GALNT10: variants seen among roughly 807,000 people sequenced by gnomAD.
GALNT10 encodes polypeptide N-acetylgalactosaminyltransferase 10.
GALNT10 carries 41 observed loss-of-function variants against 75.0 expected under a neutral mutation model. The observed-to-expected ratio is 0.55, with a 90% CI of 0.43 to 0.71. The LOEUF (loss-of-function observed/expected upper bound fraction) is 0.71, where lower values mean the gene tolerates loss of function less well. Ranked by LOEUF, GALNT10 falls within the 30% of genes least tolerant of loss-of-function variation. The probability of loss-of-function intolerance (pLI) is 0.00; values close to 1 mark genes in which losing one functional copy is unlikely to be tolerated. For synonymous variants in GALNT10, 302 were observed against 313.0 expected, an observed-to-expected ratio of 0.96 and a Z score of 0.37; for missense variants, 727 against 818.5, an observed-to-expected ratio of 0.89 and a Z score of 1.36.
chr5:154,418,783 C>T lies in GALNT10; in HGVS notation c.*1811C>T, dbSNP rs969313751. 1.3e-5 allele frequency: 2 copies of T among 152,166 alleles called. No homozygotes were observed. Among genetic ancestry groups the T allele is most frequent in the African/African-American group, 4.8e-5 (2 of 41,442 alleles). The allele number at this position is 152,166 out of a possible 1,614,324, so 9.4% of individuals were successfully genotyped here. On this transcript the variant is annotated 3_prime_UTR_variant, in exon 12 of 12. Coordinates refer to ENST00000297107, the MANE Select transcript of GALNT10 (RefSeq NM_198321.4). ...CCACCTGTCTGCAAGAGAGGCGGCC[C>T]CTGTGCTTGCAACGCTTACGTGTTG...
chr5:154,343,744 T>C (rs922002049), intron 4 of GALNT10, among the ~76,000 whole-genome samples: 1 of 152,190 alleles, frequency 6.6e-6, no homozygotes, highest in Admixed American at 6.5e-5. Context: ...TCAGGGTACC[T>C]GGTTAAAAAG....
chr5:154,254,319 G>A (rs981211099), intron 1 of GALNT10, among the ~76,000 whole-genome samples: 3 of 152,032 alleles, frequency 2.0e-5, no homozygotes, highest in East Asian at 1.9e-4. Context: ...TGCTTCTATG[G>A]CCATCTTATT....
At chr5:154,242,048 T>C (rs1362835603) in intron 1 of GALNT10, among the ~76,000 whole-genome samples, 1 of 152,182 alleles carries the variant, frequency 6.6e-6, no homozygotes, top group Non-Finnish European at 1.5e-5. Flanking sequence ...TTTCAGTCCT[T>C]GTCTCATGTG....
At position 154,326,765 on chromosome 5, in the gene GALNT10, G is replaced by A. The variant is rs115408341; in HGVS notation, c.402-2807G>A. On this transcript the variant is annotated intron_variant, in intron 3 of 11. Coordinates refer to ENST00000297107, the MANE Select transcript of GALNT10 (RefSeq NM_198321.4). ...CAGGAGGGGAAGATGGGGAATGACC[G>A]CTAGTACACACAGGGTTTCTTTAGG... Among the ~76,000 whole-genome samples, 268 of 152,258 alleles carry A rather than the reference G, an allele frequency of 1.8e-3. 2 individuals are homozygous for A. Among genetic ancestry groups the A allele is most frequent in the Admixed American group, 4.8e-3 (73 of 15,300 alleles).
chr5:154,221,173 C>T (rs979606080), intron 1 of GALNT10, among the ~76,000 whole-genome samples: 3 of 152,206 alleles, frequency 2.0e-5, no homozygotes, highest in Non-Finnish European at 2.9e-5. Context: ...GATAGACGCA[C>T]TCTTATAATA....
At chr5:154,246,816 A>C (rs12332757) in intron 1 of GALNT10, among the ~76,000 whole-genome samples, 6,983 of 152,274 alleles carry the variant, frequency 0.046, 419 homozygotes, top group African/African-American at 0.14. Context: ...TAGTTTAATT[A>C]GATCCCATTT....
intron 3 of GALNT10, among the ~76,000 whole-genome samples, chr5:154,311,040 G>A (rs566825187): frequency 1.3e-5 from 2 of 152,294 alleles, no homozygotes; most frequent in African/African-American, 4.8e-5. Context: ...CAAAATGGCT[G>A]CCTATCAACT....
intron 10 of GALNT10, among the ~76,000 whole-genome samples, chr5:154,413,930 A>C (rs1582021604): frequency 6.6e-6 from 1 of 152,244 alleles, no homozygotes; most frequent in African/African-American, 2.4e-5. Context: ...ATATAAATGA[A>C]AGGACTTGTA....
intron 4 of GALNT10, chr5:154,337,350 C>G (rs917469032): frequency 4.0e-6 from 2 of 504,444 alleles, no homozygotes; most frequent in Admixed American, 5.7e-5. Flanking sequence ...TTCTTTGTAG[C>G]AGCTGGGCTC....
intron 8 of GALNT10, among the ~76,000 whole-genome samples, chr5:154,406,776 G>A (rs555736506): frequency 1.7e-4 from 26 of 152,304 alleles, no homozygotes; most frequent in Admixed American, 2.6e-4. Flanking sequence ...CAGCCTGAGC[G>A]ACAGAGCAAG....
Position 154,319,376 on chromosome 5 carries a change from C to T in GALNT10, c.402-10196C>T, listed in dbSNP as rs1018898542. Among the ~76,000 whole-genome samples, 3 of 152,226 alleles carry T rather than the reference C, an allele frequency of 2.0e-5. No homozygotes were observed. In the East Asian group the frequency reaches 5.8e-4, roughly 29 times the overall value. The stretch of plus-strand genomic sequence containing the variant: ...TTGCTATTGCCAGTTTTCCTTTGAG[C>T]CCCTCTGTCTTCCAGACTTTTGTGC... On this transcript the variant is annotated intron_variant, in intron 3 of 11. Coordinates refer to ENST00000297107, the MANE Select transcript of GALNT10 (RefSeq NM_198321.4).
At chr5:154,373,292 C>T (rs1755602743) in intron 4 of GALNT10, among the ~76,000 whole-genome samples, 1 of 152,170 alleles carries the variant, frequency 6.6e-6, no homozygotes, top group Non-Finnish European at 1.5e-5. Context: ...GTGTCAAGGA[C>T]CCACTGTTTG....
Position 154,418,517 on chromosome 5 carries a change from CT to C in GALNT10, c.*1547del, listed in dbSNP as rs1756560338. The C allele has an allele frequency of 6.6e-6, 1 of 152,230 alleles. No individual in the cohort carries two copies. Among genetic ancestry groups the C allele is most frequent in the Non-Finnish European group, 1.5e-5 (1 of 68,040 alleles). 9.4% of individuals were successfully genotyped at this position (152,230 alleles called of 1,614,324 possible). A position where few individuals can be genotyped will look rare whatever the true frequency, so the allele number is the denominator to read the frequency against. On this transcript the variant is annotated 3_prime_UTR_variant, in exon 12 of 12. Coordinates refer to ENST00000297107, the MANE Select transcript of GALNT10 (RefSeq NM_198321.4). ...CTTCCACCAGCTAGCCCAGGAAATA[CT>C]TGAAATCAGCATTCCAATTAGTGTT...
intron 4 of GALNT10, among the ~76,000 whole-genome samples, chr5:154,357,303 T>C (rs1755311425): frequency 6.6e-6 from 1 of 152,142 alleles, no homozygotes; most frequent in Admixed American, 6.5e-5. Flanking sequence ...CTATGAAATA[T>C]GGAAACCAAG....
intron 4 of GALNT10, among the ~76,000 whole-genome samples, chr5:154,358,388 T>A (rs937303698): frequency 6.6e-6 from 1 of 152,214 alleles, no homozygotes; most frequent in African/African-American, 2.4e-5. Context: ...CTGTCTCAGT[T>A]ACTGGGCCTG....
chr5:154,248,977 G>T (rs1361110964), intron 1 of GALNT10, among the ~76,000 whole-genome samples: 1 of 152,222 alleles, frequency 6.6e-6, no homozygotes, highest in East Asian at 1.9e-4. Flanking sequence ...ACTAGAAATG[G>T]CTAAGAATGG....
intron 4 of GALNT10, among the ~76,000 whole-genome samples, chr5:154,373,503 C>G (rs577698272): frequency 6.6e-6 from 1 of 152,120 alleles, no homozygotes; most frequent in South Asian, 2.1e-4. Context: ...CCACTCTGAG[C>G]CTCGGCATCT....
chr5:154,340,424 G>T (rs1235820125), intron 4 of GALNT10, among the ~76,000 whole-genome samples: 1 of 152,084 alleles, frequency 6.6e-6, no homozygotes, highest in Non-Finnish European at 1.5e-5. Flanking sequence ...AAATCCAAGA[G>T]ATTCCCCTTC....
At chr5:154,200,232 G>A (rs6872685) in intron 1 of GALNT10, among the ~76,000 whole-genome samples, 1 of 152,204 alleles carries the variant, frequency 6.6e-6, no homozygotes, top group Admixed American at 6.5e-5. Context: ...AGGGATTATA[G>A]CAAGTCCCAT....
Sources: allele counts gnomAD v4.1 joint callset (sites outside exome capture counted in the v4.1 genomes callset), GRCh38; gene constraint gnomAD v4.1.1; transcripts MANE v1.5; gene names NCBI Gene and HGNC (gene_info 2026-07-23, HGNC 2026-07-21).